PDCD10: variants seen among roughly 807,000 people sequenced by gnomAD.
PDCD10 encodes programmed cell death protein 10.
In PDCD10, 4 loss-of-function variants were observed where a neutral mutation model predicts 29.2. That is an observed-to-expected ratio of 0.14 (90% CI 0.07 to 0.31). The LOEUF is 0.31. Ranked by LOEUF, PDCD10 falls within the 10% of genes least tolerant of loss-of-function variation. PDCD10 has a pLI of 1.00. For missense variants in PDCD10, 183 were observed against 257.9 expected, an observed-to-expected ratio of 0.71 and a Z score of 1.99; for synonymous variants, 70 against 82.2, an observed-to-expected ratio of 0.85 and a Z score of 0.80.
intron 2 of PDCD10, among the ~76,000 whole-genome samples, chr3:167,731,167 A>C (rs574191256): frequency 1.3e-5 from 2 of 152,172 alleles, no homozygotes; most frequent in South Asian, 4.1e-4. Context: ...AACAGTATTA[A>C]TACTACTACC....
At chr3:167,718,312 G>A (rs1277918395) in intron 3 of PDCD10, among the ~76,000 whole-genome samples, 1 of 151,952 alleles carries the variant, frequency 6.6e-6, no homozygotes, top group Non-Finnish European at 1.5e-5. Flanking sequence ...AAACCAATGG[G>A]TGGCATTCAG....
intron 4 of PDCD10, among the ~76,000 whole-genome samples, chr3:167,702,552 G>T (rs1034554527): frequency 3.3e-5 from 5 of 152,026 alleles, no homozygotes; most frequent in Non-Finnish European, 7.4e-5. Context: ...AACTCTGCAG[G>T]GGGTCAGCAC....
chr3:167,696,555 A>T (rs564956548), intron 5 of PDCD10, among the ~76,000 whole-genome samples: 1 of 152,098 alleles, frequency 6.6e-6, no homozygotes, highest in East Asian at 1.9e-4. Context: ...AATTTCAAGT[A>T]AAAAAAATAA....
At chr3:167,703,176 C>T (rs1172547988) in intron 4 of PDCD10, among the ~76,000 whole-genome samples, 2 of 152,052 alleles carry the variant, frequency 1.3e-5, no homozygotes, top group Admixed American at 1.3e-4. Context: ...ACTTTTCCTT[C>T]TTCTTTTGGC....
At chr3:167,691,061 T>A (rs1720180788) in intron 6 of PDCD10, among the ~76,000 whole-genome samples, 1 of 152,160 alleles carries the variant, frequency 6.6e-6, no homozygotes, top group South Asian at 2.1e-4. Context: ...CTAAAATGAA[T>A]AAAGGGGATA....
At chr3:167,717,331 T>G (rs1723122785) in intron 3 of PDCD10, among the ~76,000 whole-genome samples, 1 of 152,048 alleles carries the variant, frequency 6.6e-6, no homozygotes, top group Non-Finnish European at 1.5e-5. Flanking sequence ...GATCTAACGT[T>G]AAGGTGAGAA....
chr3:167,690,728 T>C (rs2108385824), intron 6 of PDCD10, among the ~76,000 whole-genome samples: 1 of 152,336 alleles, frequency 6.6e-6, no homozygotes, highest in South Asian at 2.1e-4. Context: ...TTCACAATGT[T>C]ATTATAGCAT....
chr3:167,711,115 C>T (rs1283212462), intron 3 of PDCD10, among the ~76,000 whole-genome samples: 1 of 152,138 alleles, frequency 6.6e-6, no homozygotes, highest in Non-Finnish European at 1.5e-5. Flanking sequence ...TGACCAGACA[C>T]CAACGAACAT....
At chr3:167,695,851 G>C in intron 5 of PDCD10, 129 bp from the exon 6 acceptor site, 1 of 883,098 alleles carries the variant, frequency 1.1e-6, no homozygotes, top group East Asian at 2.5e-5. Context: ...GAAAGACAAG[G>C]TTGCAAAGCA....
At chr3:167,709,533 G>T (rs1722319289) in intron 3 of PDCD10, among the ~76,000 whole-genome samples, 1 of 152,150 alleles carries the variant, frequency 6.6e-6, no homozygotes, top group Non-Finnish European at 1.5e-5. Flanking sequence ...ACCCACAAAA[G>T]GTAGCATTTG....
At chr3:167,704,821 A>T in intron 4 of PDCD10, 21 bp downstream of exon 4, 1 of 1,494,020 alleles carries the variant, frequency 6.7e-7, no homozygotes, top group South Asian at 1.1e-5. Context: ...TAATAATCAT[A>T]GTAAATTATT....
At chr3:167,731,213 A>C (rs893173362) in intron 2 of PDCD10, among the ~76,000 whole-genome samples, 1 of 152,226 alleles carries the variant, frequency 6.6e-6, no homozygotes, top group Non-Finnish European at 1.5e-5. Flanking sequence ...AAAACGAGAC[A>C]ACATTAGGGA....
chr3:167,732,997 T>C (rs1353320900), intron 2 of PDCD10, among the ~76,000 whole-genome samples: 1 of 152,248 alleles, frequency 6.6e-6, no homozygotes, highest in Non-Finnish European at 1.5e-5. Flanking sequence ...TACTTCATTC[T>C]ATAGTATCAT....
chr3:167,713,651 C>T (rs531835897), intron 3 of PDCD10, among the ~76,000 whole-genome samples: 5 of 151,768 alleles, frequency 3.3e-5, no homozygotes, highest in Admixed American at 3.3e-4. Flanking sequence ...GCAAAATTGA[C>T]ACAACTTTAA....
intron 3 of PDCD10, 28 bp downstream of exon 3, chr3:167,720,034 C>A: frequency 1.6e-6 from 2 of 1,277,004 alleles, no homozygotes; most frequent in East Asian, 2.3e-5. Flanking sequence ...TTGCAGAGTT[C>A]ATGCAAGAAC....
At chr3:167,685,396 CAAAAAAAA>C (rs1184281849) in intron 8 of PDCD10, among the ~76,000 whole-genome samples, 1 of 55,978 alleles carries the variant, frequency 1.8e-5, no homozygotes, top group African/African-American at 7.3e-5. Flanking sequence ...ACTCTGTCTC[CAAAAAAAA>C]AAAAAAAAAA....
chr3:167,727,322 CA>C (rs1212058403), intron 2 of PDCD10, among the ~76,000 whole-genome samples: 1 of 152,280 alleles, frequency 6.6e-6, no homozygotes, highest in Non-Finnish European at 1.5e-5. Flanking sequence ...GCAACTTGTT[CA>C]GGGGGAAAAA....
intron 2 of PDCD10, among the ~76,000 whole-genome samples, chr3:167,726,802 GAGTT>G (rs140000783): frequency 0.013 from 2,042 of 152,194 alleles, 40 homozygotes; most frequent in African/African-American, 0.047. Flanking sequence ...ATGACTGAGA[GAGTT>G]AGTGCTTCTT....
intron 6 of PDCD10, among the ~76,000 whole-genome samples, chr3:167,690,239 C>A (rs1354816952): frequency 6.6e-6 from 1 of 152,210 alleles, no homozygotes; most frequent in African/African-American, 2.4e-5. Flanking sequence ...GAAACGTAAA[C>A]ATACATCTTA....
Sources: allele counts gnomAD v4.1 joint callset (sites outside exome capture counted in the v4.1 genomes callset), GRCh38; gene constraint gnomAD v4.1.1; transcripts MANE v1.5; gene names NCBI Gene and HGNC (gene_info 2026-07-23, HGNC 2026-07-21).